Variants in PCDHA7 observed in about 807,000 individuals in gnomAD.
PCDHA7 encodes protocadherin alpha 7, also known as protocadherin alpha-7.
PCDHA7 carries 37 observed loss-of-function variants against 57.2 expected under a neutral mutation model. The observed-to-expected ratio is 0.65, with a 90% CI of 0.50 to 0.85. The LOEUF is 0.85. Among genes scored for constraint, PCDHA7 ranks in the 40% least tolerant of loss-of-function variants. The pLI is 0.00. For missense variants in PCDHA7, 1,188 were observed against 1,241.8 expected (o/e 0.96, Z 0.65); for synonymous variants, 553 against 558.8 (o/e 0.99, Z 0.15).
intron 1 of PCDHA7, chr5:140,875,653 C>G (rs1554167829): frequency 1.2e-6 from 2 of 1,613,682 alleles, no homozygotes; most frequent in Non-Finnish European, 8.5e-7. Context: ...GGAGCTGGTG[C>G]CGCGCCTGTT....
intron 3 of PCDHA7, among the ~76,000 whole-genome samples, chr5:140,987,890 C>T (rs1554249653): frequency 1.3e-5 from 2 of 152,020 alleles, no homozygotes; most frequent in African/African-American, 4.8e-5. Flanking sequence ...TTTATGTGCC[C>T]TAGTTTTATA....
intron 1 of PCDHA7, among the ~76,000 whole-genome samples, chr5:140,911,064 T>C (rs2153516956): frequency 6.6e-6 from 1 of 152,226 alleles, no homozygotes; most frequent in African/African-American, 2.4e-5. Flanking sequence ...GGGTGGGTCC[T>C]GAGGAGAATC....
At chr5:140,994,817 T>C (rs1362838008) in intron 3 of PCDHA7, among the ~76,000 whole-genome samples, 3 of 152,068 alleles carry the variant, frequency 2.0e-5, no homozygotes, top group African/African-American at 7.2e-5. Context: ...TACAAAAAAC[T>C]GAATTGTGTA....
chr5:141,001,825 CAG>C (rs1244261427), intron 3 of PCDHA7, among the ~76,000 whole-genome samples: 1 of 151,674 alleles, frequency 6.6e-6, no homozygotes, highest in Non-Finnish European at 1.5e-5. Flanking sequence ...CAAATTCTGA[CAG>C]AGAGGGAGAC....
chr5:140,851,152 C>A, intron 1 of PCDHA7: 2 of 1,305,064 alleles, frequency 1.5e-6, no homozygotes, highest in Non-Finnish European at 2.0e-6. Context: ...CATTGAATTT[C>A]TGATGCTATG....
chr5:140,934,235 A>G (rs1202721010), intron 1 of PCDHA7, among the ~76,000 whole-genome samples: 1 of 152,048 alleles, frequency 6.6e-6, no homozygotes, highest in Non-Finnish European at 1.5e-5. Flanking sequence ...TTTGTACTTA[A>G]TTGTGGAGAT....
intron 1 of PCDHA7, chr5:140,968,861 C>T (rs139036960): frequency 5.6e-5 from 90 of 1,614,182 alleles, no homozygotes; most frequent in Admixed American, 2.8e-4. Flanking sequence ...TAAGAGCCCT[C>T]GGACATACTC....
At chr5:140,906,914 GC>G (rs2073038837) in intron 1 of PCDHA7, among the ~76,000 whole-genome samples, 1 of 152,182 alleles carries the variant, frequency 6.6e-6, no homozygotes, top group Admixed American at 6.5e-5. Context: ...GGTAGGAGGA[GC>G]CCAAAAAGTG....
In PCDHA7 at chr5:140,845,055, G is replaced by T. The variant is rs2150376092; in HGVS notation, c.2355+8317G>T. 3.3e-5 allele frequency among the ~76,000 whole-genome samples: 5 copies of T among 149,320 alleles called. 1 individual carries two copies. The highest frequency in any genetic ancestry group is 6.0e-5 in the Non-Finnish European group (4 of 66,724). ...TTTTAGCCCCCTTGTCCAACTGAAG[G>T]TAACCTCAAAGCAGCATTGTTTTGT... On this transcript the variant is annotated intron_variant, in intron 1 of 3. Transcript: ENST00000525929.
At chr5:140,856,187 A>G (rs781874204) in intron 1 of PCDHA7, 4 of 1,598,212 alleles carry the variant, frequency 2.5e-6, no homozygotes, top group African/African-American at 2.7e-5. Flanking sequence ...CGTGGGCCGC[A>G]TCGCGCAGGA....
rs781883995 is a variant in PCDHA7, at chr5:140,876,273, C to A, written c.2355+39535C>A. Reference sequence around the variant, plus strand: ...CAAGAGTGATCCAACTAAATGCTTCCGATCCAGACGAAGGACTTAATGGAG... The same window carrying A: ...CAAGAGTGATCCAACTAAATGCTTCAGATCCAGACGAAGGACTTAATGGAG... On this transcript the variant is annotated intron_variant, in intron 1 of 3. Coordinates refer to ENST00000525929, the MANE Select transcript of PCDHA7 (RefSeq NM_018910.3). 6.8e-6 allele frequency: 11 copies of A among 1,613,984 alleles called. No individual in the cohort carries two copies. The South Asian group carries it at 1.2e-4, about 18-fold the overall frequency.
chr5:140,882,189 T>C, intron 1 of PCDHA7: 2 of 1,519,304 alleles, frequency 1.3e-6, no homozygotes, highest in Admixed American at 2.2e-5. Flanking sequence ...TAGGAAGCCA[T>C]AAAAATTGGG....
At chr5:140,866,584 T>C (rs2049444092) in intron 1 of PCDHA7, 1 of 152,156 alleles carries the variant, frequency 6.6e-6, no homozygotes, top group Non-Finnish European at 1.5e-5. Context: ...GGTTGGATAA[T>C]GTAATTCTAA....
At chr5:140,920,923 G>C (rs1229531762) in intron 1 of PCDHA7, among the ~76,000 whole-genome samples, 5 of 151,200 alleles carry the variant, frequency 3.3e-5, no homozygotes, top group African/African-American at 1.2e-4. Flanking sequence ...TCCAAGAGTA[G>C]GTGATCTAGC....
intron 1 of PCDHA7, chr5:140,850,234 TGGTGCTGCGGTC>T (rs1344981647): frequency 6.3e-7 from 1 of 1,593,808 alleles, no homozygotes; most frequent in East Asian, 2.2e-5. Flanking sequence ...GTGAGCGAGA[TGGTGCTGCGGTC>T]GGTGGGCGCC....
intron 1 of PCDHA7, chr5:140,875,737 C>G: frequency 2.5e-6 from 4 of 1,614,224 alleles, no homozygotes; most frequent in Non-Finnish European, 3.4e-6. Flanking sequence ...TGTGAATTCT[C>G]GGATCGACCG....
intron 1 of PCDHA7, among the ~76,000 whole-genome samples, chr5:140,915,554 G>A (rs1276502641): frequency 6.6e-6 from 1 of 152,036 alleles, no homozygotes; most frequent in Non-Finnish European, 1.5e-5. Context: ...ATAAGATCCA[G>A]AATGATTATC....
At chr5:140,858,227 G>C (rs782000026) in intron 1 of PCDHA7, 1 of 1,596,486 alleles carries the variant, frequency 6.3e-7, no homozygotes. Context: ...GGCGCCCACC[G>C]AGGGCGCATG....
chr5:140,927,630 A>G (rs1408351955), intron 1 of PCDHA7: 3 of 1,614,064 alleles, frequency 1.9e-6, no homozygotes, highest in Non-Finnish European at 2.5e-6. Flanking sequence ...CAGAGACTGC[A>G]CCCAATGGGA....
Sources: allele counts gnomAD v4.1 joint callset (sites outside exome capture counted in the v4.1 genomes callset), GRCh38; gene constraint gnomAD v4.1.1; transcripts MANE v1.5; gene names NCBI Gene and HGNC (gene_info 2026-07-23, HGNC 2026-07-21).